Variants in SNX1 observed in about 807,000 individuals in gnomAD.
SNX1 encodes the protein sorting nexin-1.
In SNX1, 36 loss-of-function variants were observed where a neutral mutation model predicts 71.8. The observed-to-expected ratio is 0.50, with a 90% CI of 0.38 to 0.66. The LOEUF (loss-of-function observed/expected upper bound fraction) is 0.66. Among genes scored for constraint, SNX1 ranks in the 30% least tolerant of loss-of-function variants. The pLI is 0.00. For synonymous variants in SNX1, 254 were observed against 240.7 expected (o/e 1.06, Z -0.51); for missense variants, 612 against 646.7 (o/e 0.95, Z 0.58).
Position 64,140,171 on chromosome 15 carries a change from A to G in SNX1, c.*2553A>G, listed in dbSNP as rs886260570. On this transcript the variant is annotated 3_prime_UTR_variant, in exon 15 of 15. Transcript: ENST00000559844. ...ACCAGTTATATAGTATCAGTTGATT[A>G]GTCTTGTCCCAGTTATTACTGTCAT... 1 of 152,290 alleles carries G rather than the reference A, an allele frequency of 6.6e-6. No individual in the cohort carries two copies. The highest frequency in any genetic ancestry group is 6.5e-5 in the Admixed American group (1 of 15,292). The allele number at this position is 152,290 out of a possible 1,614,324, so 9.4% of individuals were successfully genotyped here. A position where few individuals can be genotyped will look rare whatever the true frequency, so the allele number is the denominator to read the frequency against.
chr15:64,097,015 G>A (rs1015980731), intron 1 of SNX1, among the ~76,000 whole-genome samples: 3 of 152,256 alleles, frequency 2.0e-5, no homozygotes, highest in African/African-American at 7.2e-5. Flanking sequence ...CACCCCACAG[G>A]GTGTGAGTGG....
intron 12 of SNX1, among the ~76,000 whole-genome samples, chr15:64,135,441 C>A (rs962945079): frequency 6.7e-6 from 1 of 149,054 alleles, no homozygotes; most frequent in Non-Finnish European, 1.5e-5. Flanking sequence ...CATGGTAAAA[C>A]CCCATCTCTA....
intron 1 of SNX1, among the ~76,000 whole-genome samples, chr15:64,096,412 C>T (rs929999340): frequency 2.0e-5 from 3 of 152,168 alleles, no homozygotes; most frequent in Admixed American, 2.0e-4. Context: ...CCCTAACAGC[C>T]GAGAACCGCC....
chr15:64,113,565 A>G (rs567686183), intron 2 of SNX1, among the ~76,000 whole-genome samples: 4 of 152,314 alleles, frequency 2.6e-5, no homozygotes, highest in Admixed American at 1.3e-4. Flanking sequence ...CACACCCGTA[A>G]TCCCAGCACT....
At chr15:64,131,008 G>A (rs1278576648) in intron 10 of SNX1, among the ~76,000 whole-genome samples, 1 of 152,214 alleles carries the variant, frequency 6.6e-6, no homozygotes, top group African/African-American at 2.4e-5. Context: ...TTATTAGCCG[G>A]TCGCGGTGGC....
At chr15:64,118,876 T>C in intron 4 of SNX1, 22 bp downstream of exon 4, 1 of 1,590,286 alleles carries the variant, frequency 6.3e-7, no homozygotes, top group Non-Finnish European at 8.6e-7. Flanking sequence ...TTAGGACTCC[T>C]TGTGATGTTA....
chr15:64,100,007 C>T (rs962362108), intron 1 of SNX1, among the ~76,000 whole-genome samples: 2 of 152,170 alleles, frequency 1.3e-5, no homozygotes, highest in Non-Finnish European at 2.9e-5. Flanking sequence ...CCACCATGCC[C>T]GACCGACCTC....
intron 1 of SNX1, among the ~76,000 whole-genome samples, chr15:64,112,063 AACAGC>A (rs2081083046): frequency 6.6e-6 from 1 of 152,260 alleles, no homozygotes; most frequent in African/African-American, 2.4e-5. Context: ...TTTTACTTTT[AACAGC>A]ATTAGAACGT....
chr15:64,136,506 C>T, intron 13 of SNX1, 96 bp downstream of exon 13: 1 of 1,105,332 alleles, frequency 9.0e-7, no homozygotes, highest in Non-Finnish European at 1.4e-6. Flanking sequence ...GAGAGAGGTG[C>T]CAGTAACTTG....
intron 8 of SNX1, 98 bp downstream of exon 8, chr15:64,127,904 A>G (rs954603821): frequency 6.3e-6 from 5 of 793,982 alleles, no homozygotes; most frequent in Non-Finnish European, 8.5e-6. Context: ...TAACATGCCT[A>G]GTACTAGACT....
Position 64,137,728 on chromosome 15 carries a change from C to A in SNX1, c.*110C>A. ...CATCCTGCCTAGGCTGGACTTAACC[C>A]CTTCCTCCCTGTCCCCACGACCAAC... On this transcript the variant is annotated 3_prime_UTR_variant, in exon 15 of 15. Coordinates refer to ENST00000559844, the MANE Select transcript of SNX1 (RefSeq NM_003099.5). 2 of 1,556,540 alleles carry A rather than the reference C, an allele frequency of 1.3e-6. No homozygotes were observed. Among genetic ancestry groups the A allele is most frequent in the Non-Finnish European group, 1.7e-6 (2 of 1,145,932 alleles).
chr15:64,138,300 A>C lies in SNX1; in HGVS notation c.*682A>C. 1.8e-6 allele frequency: 2 copies of C among 1,101,706 alleles called. No individual in the cohort carries two copies. Among genetic ancestry groups the C allele is most frequent in the Non-Finnish European group, 2.4e-6 (2 of 817,442 alleles). The allele number at this position is 1,101,706 out of a possible 1,614,324, so 68.2% of individuals were successfully genotyped here. On this transcript the variant is annotated 3_prime_UTR_variant, in exon 15 of 15. Transcript: ENST00000559844. ...ATCTATTAAAACCTATTCTCCTGCA[A>C]AGGAGGCAGAGACTTTCTCTCTCTC... is the stretch of plus-strand genomic sequence containing the variant.
chr15:64,099,739 C>G (rs1174719255), intron 1 of SNX1, among the ~76,000 whole-genome samples: 1 of 152,190 alleles, frequency 6.6e-6, no homozygotes, highest in Non-Finnish European at 1.5e-5. Context: ...GAGACATAGT[C>G]TCACTCTTTT....
In SNX1 at chr15:64,107,903, TGGGTTATTGGCCGGGCG is replaced by T. The variant is rs2081038695; in HGVS notation, c.160-4669_160-4653del. On this transcript the variant is annotated intron_variant, in intron 1 of 14. Coordinates refer to ENST00000559844, the MANE Select transcript of SNX1 (RefSeq NM_003099.5). ...ACTGCTAAGGAGTTTTTTAAAAATA[TGGGTTATTGGCCGGGCG>T]CAGTGGCTCACGCCTGTAATCCCAG... Among the ~76,000 whole-genome samples, 4 of 152,148 alleles carry T rather than the reference TGGGTTATTGGCCGGGCG, an allele frequency of 2.6e-5. No homozygotes were observed. The South Asian group carries it at 8.3e-4, about 31-fold the overall frequency.
chr15:64,130,459 T>TA (rs960118163), intron 10 of SNX1, 138 bp downstream of exon 10: 62 of 693,812 alleles, frequency 8.9e-5, no homozygotes, highest in East Asian at 6.8e-4. Context: ...GATGTTCTGA[T>TA]AAAAAAAAGG....
chr15:64,137,036 GCTGGGCC>G, intron 14 of SNX1, 104 bp downstream of exon 14: 1 of 845,448 alleles, frequency 1.2e-6, no homozygotes, highest in Admixed American at 2.1e-5. Flanking sequence ...CTTCTGAGGG[GCTGGGCC>G]CTCCTATAGT....
At chr15:64,113,981 G>C (rs1391952813) in intron 2 of SNX1, among the ~76,000 whole-genome samples, 4 of 152,208 alleles carry the variant, frequency 2.6e-5, no homozygotes, top group African/African-American at 9.7e-5. Flanking sequence ...GACCACAGCA[G>C]GACATTCTTG....
intron 8 of SNX1, 28 bp downstream of exon 8, chr15:64,127,834 A>G (rs775290160): frequency 1.9e-6 from 3 of 1,565,988 alleles, no homozygotes; most frequent in African/African-American, 2.7e-5. Context: ...ACTGAATTTC[A>G]TAATTTATAT....
At chr15:64,112,783 C>T (rs2081090766) in intron 2 of SNX1, 99 bp downstream of exon 2, 1 of 674,702 alleles carries the variant, frequency 1.5e-6, no homozygotes, top group Non-Finnish European at 2.5e-6. Context: ...GTATTGGGAA[C>T]ATAACTTTAT....
Sources: gnomAD v4.1 joint callset for allele counts (sites outside exome capture counted in the v4.1 genomes callset) on GRCh38, gnomAD v4.1.1 for gene constraint, MANE v1.5 for transcripts, NCBI Gene and HGNC (gene_info 2026-07-23, HGNC 2026-07-21) for gene names.